The following NPC1L1 variants were observed in gnomAD, a reference collection of about 807,000 sequenced individuals.
The protein encoded by NPC1L1 is NPC1-like intracellular cholesterol transporter 1.
A neutral mutation model predicts 117.0 loss-of-function variants in NPC1L1; 98 were observed. That is an observed-to-expected ratio of 0.84 (90% CI 0.71 to 0.99). The LOEUF is 0.99. NPC1L1 is among the 50% of genes least tolerant of loss of function. NPC1L1 has a pLI of 0.00. For synonymous variants in NPC1L1, 729 were observed against 727.6 expected (o/e 1.00, Z -0.03); for missense variants, 1,540 against 1,710.0 (o/e 0.90, Z 1.75).
intron 10 of NPC1L1, 39 bp from the exon 11 acceptor site, chr7:44,522,281 T>C (rs769552904): frequency 3.2e-6 from 5 of 1,582,246 alleles, no homozygotes; most frequent in South Asian, 1.1e-5. Flanking sequence ...TGGTTCGCTA[T>C]GCACACCCCT....
chr7:44,540,416 G>A (rs1163323378), intron 1 of NPC1L1, 74 bp from the exon 2 acceptor site: 49 of 1,346,736 alleles, frequency 3.6e-5, no homozygotes, highest in Non-Finnish European at 4.8e-5. Context: ...CAGCCAGGGA[G>A]GGTGTGAGGG....
chr7:44,523,374 A>G (rs1170933208), intron 10 of NPC1L1, among the ~76,000 whole-genome samples: 1 of 152,058 alleles, frequency 6.6e-6, no homozygotes, highest in Non-Finnish European at 1.5e-5. Context: ...CGATTTTGGA[A>G]CTCTGGAGTC....
chr7:44,516,159 G>A lies in NPC1L1; in HGVS notation c.3558C>T (p.Thr1186=). The part of the protein sequence containing the change: ...GMSVEFVSHI[T]RSFAISTKPT... ...GCTTGGTGCTGATGGCAAAGGAGCG[G>A]GTAATGTGGGACACAAACTCCACAG... The change falls in exon 17 of 19, where the codon ACC becomes ACT. Residue 1186 remains threonine, a synonymous_variant. Transcript: ENST00000381160. 1.2e-6 allele frequency: 2 copies of A among 1,611,730 alleles called. No individual in the cohort carries two copies. The highest frequency in any genetic ancestry group is 1.7e-6 in the Non-Finnish European group (2 of 1,178,948).
At position 44,539,581 on chromosome 7, in the gene NPC1L1, G is replaced by A. The variant is rs2072183; in HGVS notation, c.816C>T (p.Leu272=). ...SCPAIARPQA[L]DSTFYLGQMP... Reference sequence around the variant, plus strand: ...TCTGGCCCAGGTAGAAGGTGGAGTCGAGGGCCTGGGGGCGGGCTATGGCAG... The same window carrying A: ...TCTGGCCCAGGTAGAAGGTGGAGTCAAGGGCCTGGGGGCGGGCTATGGCAG... The change falls in exon 2 of 19, where the codon CTC becomes CTT. Residue 272 remains leucine, a synonymous_variant. Transcript: ENST00000381160. This position sits in a 1 kb window ranked among gnomAD's most constrained non-coding sequence, Gnocchi z 4.4. 6.2e-6 allele frequency: 10 copies of A among 1,613,876 alleles called. No individual in the cohort carries two copies. Among genetic ancestry groups the A allele is most frequent in the South Asian group, 5.5e-5 (5 of 91,070 alleles).
chr7:44,540,468 G>A (rs1802064546), intron 1 of NPC1L1, 126 bp from the exon 2 acceptor site: 13 of 853,548 alleles, frequency 1.5e-5, no homozygotes, highest in Non-Finnish European at 2.3e-5. Flanking sequence ...GGGGAGTGTG[G>A]GGAGTAGGAA....
rs373971479 is a variant in NPC1L1, at chr7:44,538,948, G to C, written c.1449C>G (p.Tyr483Ter). 3.1e-6 allele frequency: 5 copies of C among 1,614,094 alleles called. No individual in the cohort carries two copies. The South Asian group carries it at 4.4e-5, about 14-fold the overall frequency. Residue 483 changes from tyrosine (Y) to a stop codon, truncating the protein, a stop_gained, in exon 2 of 19, where the codon TAC (tyrosine) becomes TAG (stop). Transcript: ENST00000381160. LOFTEE classifies it high-confidence loss of function. This position sits in a 1 kb window ranked among gnomAD's most constrained non-coding sequence, Gnocchi z 5.9. The part of the protein sequence containing the change: ...APLNPDNTSL[Y>*]DCCINSLLQY... ...GCAGGAGGCTGTTGATGCAGCAGTC[G>C]TAGAGACTGGTATTGTCCGGATTGA...
At chr7:44,518,723 A>C (rs529441416) in intron 14 of NPC1L1, 114 of 1,189,444 alleles carry the variant, frequency 9.6e-5, no homozygotes, top group Non-Finnish European at 1.2e-4. Flanking sequence ...TGTGTATCTG[A>C]AAAAGAAACA....
At position 44,536,844 on chromosome 7, in the gene NPC1L1, T is replaced by G. The variant is rs748829578; in HGVS notation, c.1679A>C (p.Lys560Thr). The change falls in exon 3 of 19, where the codon AAA becomes ACA. Residue 560 changes from lysine to threonine, a missense_variant and splice_region_variant. Around this residue, in one of 3 missense-constraint regions of NPC1L1, gnomAD observed 793 missense variants for 820.4 expected, o/e 0.97. Transcript: ENST00000381160. The surrounding 1 kb of genome is among the most constrained non-coding windows in gnomAD (Gnocchi z 4.7). ...CTCTCAGGGCCCACTTAGCTTACCT[T>G]TGTACCCCCCAATGGCAAGGAAGGG... is the stretch of plus-strand genomic sequence containing the variant. ...VFPFLAIGGYKGKDYSEAEAL... is the reference protein window; with the variant it reads ...VFPFLAIGGYTGKDYSEAEAL... 1.1e-5 allele frequency: 18 copies of G among 1,613,554 alleles called. No homozygotes were observed. Among genetic ancestry groups the G allele is most frequent in the Non-Finnish European group, 1.4e-5 (17 of 1,179,542 alleles).
At chr7:44,514,501 T>A (rs1422713784) in intron 18 of NPC1L1, among the ~76,000 whole-genome samples, 1 of 146,052 alleles carries the variant, frequency 6.8e-6, no homozygotes, top group African/African-American at 2.6e-5. Flanking sequence ...GAAACCTGTC[T>A]CCAATAAAAA....
chr7:44,516,175 A>C lies in NPC1L1; in HGVS notation c.3542T>G (p.Phe1181Cys). Residue 1181 changes from phenylalanine to cysteine, a missense_variant, in exon 17 of 19, where the codon TTT becomes TGT. By Grantham distance (205) the Phe-to-Cys change is radical. Transcript: ENST00000381160. Reference protein sequence around the residue: ...LVSAVGMSVEFVSHITRSFAI... With the variant: ...LVSAVGMSVECVSHITRSFAI... ...AAAGGAGCGGGTAATGTGGGACACA[A>C]ACTCCACAGACATGCCCACCGCCTA... The C allele has an allele frequency of 6.2e-7, 1 of 1,609,770 alleles. No homozygotes were observed. Among genetic ancestry groups the C allele is most frequent in the Non-Finnish European group, 8.5e-7 (1 of 1,178,018 alleles).
Position 44,540,215 on chromosome 7 carries a change from GTGT to G in NPC1L1, c.179_181del (p.Asn60del). 1 of 1,614,092 alleles carries G rather than the reference GTGT, an allele frequency of 6.2e-7. No individual in the cohort carries two copies. The highest frequency in any genetic ancestry group is 8.5e-7 in the Non-Finnish European group (1 of 1,180,030). Reference sequence around the variant, plus strand: ...ATCACCTGTGATCTTGCGGGCCGGCGTGTTGGACAGGCAGGACACGTTGGAGAG... The same window carrying G: ...ATCACCTGTGATCTTGCGGGCCGGCGTGGACAGGCAGGACACGTTGGAGAG... On this transcript the variant is annotated inframe_deletion, in exon 2 of 19. Coordinates refer to ENST00000381160, the MANE Select transcript of NPC1L1 (RefSeq NM_001101648.2).
At chr7:44,526,484 G>A (rs1242995909) in intron 10 of NPC1L1, among the ~76,000 whole-genome samples, 1 of 149,098 alleles carries the variant, frequency 6.7e-6, no homozygotes, top group Non-Finnish European at 1.5e-5. Context: ...GGGAGGTGGA[G>A]GTTGCAGTGA....
Position 44,536,920 on chromosome 7 carries a change from C to G in NPC1L1, c.1603G>C (p.Gly535Arg). 6.2e-7 allele frequency: 1 copy of G among 1,614,064 alleles called. No individual in the cohort carries two copies. The highest frequency in any genetic ancestry group is 2.2e-5 in the East Asian group (1 of 44,882). Residue 535 changes from glycine to arginine, a missense_variant, in exon 3 of 19, where the codon GGC becomes CGC. Physicochemically the swap from Gly to Arg is moderately radical, Grantham distance 125. Around this residue, in one of 3 missense-constraint regions of NPC1L1, gnomAD observed 793 missense variants for 820.4 expected, o/e 0.97. Coordinates refer to ENST00000381160, the MANE Select transcript of NPC1L1 (RefSeq NM_001101648.2). The surrounding 1 kb of genome is among the most constrained non-coding windows in gnomAD (Gnocchi z 4.7). ...CANAPLTFKD[G>R]TALALSCMAD... The stretch of plus-strand genomic sequence containing the variant: ...ATGCAGCTCAGGGCCAGGGCTGTGC[C>G]ATCCTTGAAGGTGAGCGGGGCACTA...
rs374482815 is a variant in NPC1L1, at chr7:44,516,209, G to A, written c.3520-12C>T. 2 of 1,588,718 alleles carry A rather than the reference G, an allele frequency of 1.3e-6. No homozygotes were observed. Among genetic ancestry groups the A allele is most frequent in the African/African-American group, 1.3e-5 (1 of 74,868 alleles). On this transcript the variant is annotated splice_polypyrimidine_tract_variant and intron_variant, in intron 16 of 18. Coordinates refer to ENST00000381160, the MANE Select transcript of NPC1L1 (RefSeq NM_001101648.2). ...GACATGCCCACCGCCTATGGGCAGAGAGGGGGCATAAGCCAAGAAAGGCAG... is the reference window on the plus strand; with the variant it reads ...GACATGCCCACCGCCTATGGGCAGAAAGGGGGCATAAGCCAAGAAAGGCAG...
rs1352079762 is a variant in NPC1L1, at chr7:44,538,701, A to ATAGC, written c.1580+112_1580+115dup. ...GCGGCCCCAGGCCAGAGCCGTAGGA[A>ATAGC]TAGCTACCTCTGGTCCTTCAGGACC... is the stretch of plus-strand genomic sequence containing the variant. On this transcript the variant is annotated intron_variant, in intron 2 of 18. Transcript: ENST00000381160. This position sits in a 1 kb window ranked among gnomAD's most constrained non-coding sequence, Gnocchi z 5.9. 12 of 1,049,260 alleles carry ATAGC rather than the reference A, an allele frequency of 1.1e-5. No individual in the cohort carries two copies. Among genetic ancestry groups the ATAGC allele is most frequent in the African/African-American group, 3.1e-5 (2 of 64,108 alleles). The allele number at this position is 1,049,260 out of a possible 1,614,324, so 65.0% of individuals were successfully genotyped here. A position where few individuals can be genotyped will look rare whatever the true frequency, so the allele number is the denominator to read the frequency against.
At position 44,513,577 on chromosome 7, in the gene NPC1L1, G is replaced by A; in HGVS notation, c.3869C>T (p.Ala1290Val). 6.2e-7 allele frequency: 1 copy of A among 1,613,918 alleles called. No individual in the cohort carries two copies. Among genetic ancestry groups the A allele is most frequent in the South Asian group, 1.1e-5 (1 of 91,060 alleles). Residue 1290 changes from alanine (A) to valine (V), a missense_variant, in exon 19 of 19, where the codon GCC becomes GTC. This residue lies in a region of NPC1L1 where 742 missense variants were observed against 873.6 expected (regional missense o/e 0.85). Coordinates refer to ENST00000381160, the MANE Select transcript of NPC1L1 (RefSeq NM_001101648.2). ...TCGGGAGGGGTGATTTGGGCAAGAG[G>A]CCACCATGACTGCTGCCACCGCCTC... ...AEEAVAAVMVASCPNHPSRVS... is the reference protein window; with the variant it reads ...AEEAVAAVMVVSCPNHPSRVS...
Position 44,534,345 on chromosome 7 carries a change from C to T in NPC1L1, c.2166+102G>A. 2.7e-6 allele frequency: 3 copies of T among 1,108,544 alleles called. No homozygotes were observed. Among genetic ancestry groups the T allele is most frequent in the Non-Finnish European group, 4.2e-6 (3 of 719,652 alleles). 68.7% of individuals were successfully genotyped at this position (1,108,544 alleles called of 1,614,324 possible). A position where few individuals can be genotyped will look rare whatever the true frequency, so the allele number is the denominator to read the frequency against. ...CGTGTCGATGAACAGAAAGAGTCTG[C>T]AGGGAGACCCAGCAAATTCACGCCA... On this transcript the variant is annotated intron_variant, in intron 6 of 18. Transcript: ENST00000381160. The surrounding 1 kb of genome is among the most constrained non-coding windows in gnomAD (Gnocchi z 5.2).
At chr7:44,533,886 C>A (rs755267043) in intron 6 of NPC1L1, 33 bp from the exon 7 acceptor site, 36 of 1,562,276 alleles carry the variant, frequency 2.3e-5, no homozygotes, top group African/African-American at 4.1e-5. Flanking sequence ...AGAGCCAGGG[C>A]CCTCCAAGGG....
At position 44,532,058 on chromosome 7, in the gene NPC1L1, G is replaced by C. The variant is rs55837134; in HGVS notation, c.2547+22C>G. On this transcript the variant is annotated intron_variant, in intron 9 of 18. Coordinates refer to ENST00000381160, the MANE Select transcript of NPC1L1 (RefSeq NM_001101648.2). ...GTCCCCACCTAGTGCCCCTGCTCTC[G>C]TGTGGTTCGAGGCCCACTCACCACA... 15 of 1,613,906 alleles carry C rather than the reference G, an allele frequency of 9.3e-6. No individual in the cohort carries two copies. In the South Asian group the frequency reaches 1.5e-4, roughly 17 times the overall value.
Sources: allele counts gnomAD v4.1 joint callset (sites outside exome capture counted in the v4.1 genomes callset), GRCh38; gene constraint gnomAD v4.1.1; regional missense constraint gnomAD v4.1.1; non-coding constraint Gnocchi (gnomAD v3.1); transcripts MANE v1.5; gene names NCBI Gene and HGNC (gene_info 2026-07-23, HGNC 2026-07-21).